Variants in PTPRR observed in about 807,000 individuals in gnomAD.
The protein encoded by PTPRR is protein tyrosine phosphatase receptor type R, also known as receptor-type tyrosine-protein phosphatase R.
Under a neutral mutation model 77.2 loss-of-function variants are expected in PTPRR, and 38 were observed. That is an observed-to-expected ratio of 0.49 (90% CI 0.38 to 0.65). PTPRR has a LOEUF of 0.65. PTPRR is among the 30% of genes least tolerant of loss of function. PTPRR has a pLI of 0.00. For synonymous variants in PTPRR, 299 were observed against 283.1 expected, an observed-to-expected ratio of 1.06 and a Z score of -0.57; for missense variants, 744 against 799.2, an observed-to-expected ratio of 0.93 and a Z score of 0.83.
At chr12:70,810,814 A>G (rs754811194) in intron 2 of PTPRR, among the ~76,000 whole-genome samples, 15 of 152,210 alleles carry the variant, frequency 9.9e-5, no homozygotes, top group Non-Finnish European at 2.1e-4. Flanking sequence ...TCTTTCACAG[A>G]AAGACAAAAA....
At chr12:70,778,244 A>G (rs1310047802) in intron 2 of PTPRR, among the ~76,000 whole-genome samples, 2 of 152,032 alleles carry the variant, frequency 1.3e-5, no homozygotes, top group Admixed American at 6.6e-5. Flanking sequence ...CTATTTTCCA[A>G]TGCCTTCTGG....
At chr12:70,679,375 G>A (rs1257201041) in intron 10 of PTPRR, among the ~76,000 whole-genome samples, 1 of 152,134 alleles carries the variant, frequency 6.6e-6, no homozygotes, top group Admixed American at 6.5e-5. Flanking sequence ...GTTGTTGGGT[G>A]AAATATTCTG....
chr12:70,639,555 G>C, intron 13 of PTPRR: 9 of 1,117,064 alleles, frequency 8.1e-6, no homozygotes, highest in Non-Finnish European at 9.9e-6. Context: ...ACAGCCTAAT[G>C]ATCAAGTACT....
chr12:70,724,027 A>T (rs1246417943), intron 6 of PTPRR, among the ~76,000 whole-genome samples: 1 of 152,178 alleles, frequency 6.6e-6, no homozygotes, highest in Non-Finnish European at 1.5e-5. Flanking sequence ...GAAATAGGAG[A>T]GCAAAATGTT....
chr12:70,719,367 C>T (rs1271325707), intron 6 of PTPRR, among the ~76,000 whole-genome samples: 1 of 152,064 alleles, frequency 6.6e-6, no homozygotes, highest in Non-Finnish European at 1.5e-5. Context: ...CACGAGGCTG[C>T]CCGGCCCCAT....
At chr12:70,919,214 T>C (rs994691050) in intron 1 of PTPRR, among the ~76,000 whole-genome samples, 5 of 152,232 alleles carry the variant, frequency 3.3e-5, no homozygotes, top group Non-Finnish European at 5.9e-5. Context: ...CAATTATTTT[T>C]ACTCATTACC....
chr12:70,658,024 G>T (rs1214489425), intron 12 of PTPRR, among the ~76,000 whole-genome samples: 1 of 152,138 alleles, frequency 6.6e-6, no homozygotes, highest in African/African-American at 2.4e-5. Flanking sequence ...AAAACCTATA[G>T]ATGGCTCCAT....
chr12:70,760,276 G>A (rs1338832529), intron 4 of PTPRR, among the ~76,000 whole-genome samples: 1 of 152,194 alleles, frequency 6.6e-6, no homozygotes, highest in African/African-American at 2.4e-5. Flanking sequence ...CAACCTCACA[G>A]AGATTAAATG....
At chr12:70,878,577 T>C (rs1330631907) in intron 2 of PTPRR, among the ~76,000 whole-genome samples, 4 of 152,058 alleles carry the variant, frequency 2.6e-5, no homozygotes, top group South Asian at 2.1e-4. Context: ...GTTAGAATGG[T>C]GATCATTAAA....
chr12:70,746,704 T>C (rs1341672713), intron 5 of PTPRR, among the ~76,000 whole-genome samples: 1 of 152,086 alleles, frequency 6.6e-6, no homozygotes, highest in Non-Finnish European at 1.5e-5. Context: ...TATTTTATTT[T>C]ATTTCGATAC....
At chr12:70,756,677 T>C (rs1890571754) in intron 4 of PTPRR, among the ~76,000 whole-genome samples, 1 of 152,198 alleles carries the variant, frequency 6.6e-6, no homozygotes. Flanking sequence ...TGTTCTATTA[T>C]TTAAAATTTG....
chr12:70,749,282 A>C (rs1243449554), intron 5 of PTPRR, among the ~76,000 whole-genome samples: 1 of 152,040 alleles, frequency 6.6e-6, no homozygotes, highest in Non-Finnish European at 1.5e-5. Context: ...ACCACTTTCT[A>C]CTCTGCCACC....
At chr12:70,812,750 GAA>G (rs1479662057) in intron 2 of PTPRR, among the ~76,000 whole-genome samples, 6 of 152,152 alleles carry the variant, frequency 3.9e-5, no homozygotes, top group Non-Finnish European at 8.8e-5. Context: ...ACACTCTTCA[GAA>G]AAATGCCCTC....
intron 6 of PTPRR, among the ~76,000 whole-genome samples, chr12:70,714,946 C>G (rs1476806038): frequency 6.6e-6 from 1 of 152,178 alleles, no homozygotes; most frequent in African/African-American, 2.4e-5. Context: ...GATCACGCTA[C>G]TGCACTCCAG....
chr12:70,715,973 T>C (rs948151317), intron 6 of PTPRR, among the ~76,000 whole-genome samples: 8 of 152,178 alleles, frequency 5.3e-5, no homozygotes, highest in Admixed American at 5.2e-4. Context: ...ATGAAATCTT[T>C]ACAATTTATG....
At chr12:70,824,480 T>G (rs1892075774) in intron 2 of PTPRR, among the ~76,000 whole-genome samples, 1 of 152,216 alleles carries the variant, frequency 6.6e-6, no homozygotes, top group Non-Finnish European at 1.5e-5. Flanking sequence ...GTGAAGGAAT[T>G]AAATAAAATT....
chr12:70,843,997 G>A (rs1222027219), intron 2 of PTPRR, among the ~76,000 whole-genome samples: 1 of 151,628 alleles, frequency 6.6e-6, no homozygotes, highest in African/African-American at 2.4e-5. Flanking sequence ...TGTGTTTTCA[G>A]TAGAGGCAGG....
chr12:70,757,865 A>G (rs1890599103), intron 4 of PTPRR, among the ~76,000 whole-genome samples: 1 of 152,234 alleles, frequency 6.6e-6, no homozygotes, highest in Admixed American at 6.5e-5. Context: ...ATAAAAGATT[A>G]ACCACAGAAA....
At chr12:70,793,095 A>G (rs1416246969) in intron 2 of PTPRR, among the ~76,000 whole-genome samples, 4 of 152,340 alleles carry the variant, frequency 2.6e-5, no homozygotes, top group South Asian at 2.1e-4. Context: ...AGTACAGATC[A>G]TCATATCAAT....
Sources: allele counts gnomAD v4.1 joint callset (sites outside exome capture counted in the v4.1 genomes callset), GRCh38; gene constraint gnomAD v4.1.1; transcripts MANE v1.5; gene names NCBI Gene and HGNC (gene_info 2026-07-23, HGNC 2026-07-21).